IL17RD: variants seen among roughly 807,000 people sequenced by gnomAD.
The protein encoded by IL17RD is interleukin-17 receptor D.
IL17RD carries 52 observed loss-of-function variants against 80.5 expected under a neutral mutation model. The observed-to-expected ratio is 0.65, with a 90% CI of 0.52 to 0.81. IL17RD has a LOEUF of 0.81. IL17RD is among the 40% of genes least tolerant of loss of function. The probability of loss-of-function intolerance (pLI) is 0.00; values close to 1 mark genes in which losing one functional copy is unlikely to be tolerated. For missense variants in IL17RD, 1,024 were observed against 955.1 expected, an observed-to-expected ratio of 1.07 and a Z score of -0.95; for synonymous variants, 416 against 391.8, an observed-to-expected ratio of 1.06 and a Z score of -0.73.
chr3:57,116,552 T>C (rs1707221203), intron 2 of IL17RD, among the ~76,000 whole-genome samples: 2 of 152,140 alleles, frequency 1.3e-5, no homozygotes, highest in African/African-American at 4.8e-5. Context: ...CCCAAGGTGC[T>C]GAGATTAGAG....
At chr3:57,118,012 A>G (rs1707253387) in intron 2 of IL17RD, among the ~76,000 whole-genome samples, 1 of 152,238 alleles carries the variant, frequency 6.6e-6, no homozygotes, top group South Asian at 2.1e-4. Context: ...AAAGTTTTAC[A>G]CGGAGAGATC....
At chr3:57,146,234 TTTTAAATTCTTAC>T (rs1387897495) in intron 1 of IL17RD, among the ~76,000 whole-genome samples, 1 of 152,204 alleles carries the variant, frequency 6.6e-6, no homozygotes, top group Admixed American at 6.5e-5. Flanking sequence ...TCAATAATTA[TTTTAAATTCTTAC>T]TTTAAATTCT....
Position 57,093,963 on chromosome 3 carries a change from G to A in IL17RD, c.*2430C>T, listed in dbSNP as rs2035653. 0.85 allele frequency: 129,292 copies of A among 152,154 alleles called. 55,555 individuals are homozygous for A. Among genetic ancestry groups the A allele is most frequent in the South Asian group, 0.95 (4,576 of 4,826 alleles). The allele number at this position is 152,154 out of a possible 1,614,324, so 9.4% of individuals were successfully genotyped here. Reference sequence around the variant, plus strand: ...ATCCCTGGTCTCTTTTCTAGAGGACGTTGTCTAACCTATCTACACAAGCCT... The same window carrying A: ...ATCCCTGGTCTCTTTTCTAGAGGACATTGTCTAACCTATCTACACAAGCCT... On this transcript the variant is annotated 3_prime_UTR_variant, in exon 13 of 13. Transcript: ENST00000296318.
At chr3:57,131,951 G>A (rs1168933366) in intron 1 of IL17RD, among the ~76,000 whole-genome samples, 3 of 151,874 alleles carry the variant, frequency 2.0e-5, no homozygotes, top group Admixed American at 6.6e-5. Flanking sequence ...TTTGGGAGGC[G>A]GAGGCCAGCG....
intron 1 of IL17RD, among the ~76,000 whole-genome samples, chr3:57,137,189 T>C (rs1189809510): frequency 6.6e-6 from 1 of 152,180 alleles, no homozygotes; most frequent in Admixed American, 6.5e-5. Context: ...TTCCTGGTCA[T>C]CCAGAATAAA....
chr3:57,114,393 C>T (rs767486501), intron 3 of IL17RD, among the ~76,000 whole-genome samples: 2 of 152,160 alleles, frequency 1.3e-5, no homozygotes, highest in East Asian at 3.9e-4. Context: ...GCCCTCCCAC[C>T]GCTGACTAGG....
At chr3:57,164,718 G>T (rs1012375738) in intron 1 of IL17RD, among the ~76,000 whole-genome samples, 1 of 152,170 alleles carries the variant, frequency 6.6e-6, no homozygotes, top group African/African-American at 2.4e-5. Flanking sequence ...CCGGGCCTTA[G>T]CAGGGTTGTG....
In IL17RD at chr3:57,101,303, AGT is replaced by A; in HGVS notation, c.1038_1039del (p.Leu347ProfsTer18). ...CCGCGGCCGGAGCCTCTCTCTTGGG[AGT>A]GCTGCAGTGTATGTGGAAGACTCAG... On this transcript the variant is annotated frameshift_variant, in exon 11 of 13. Transcript: ENST00000296318. LOFTEE classifies it high-confidence loss of function. 1.2e-6 allele frequency: 2 copies of A among 1,612,912 alleles called. No individual in the cohort carries two copies.
intron 1 of IL17RD, among the ~76,000 whole-genome samples, chr3:57,148,184 G>C (rs1040446233): frequency 2.0e-5 from 3 of 150,158 alleles, no homozygotes; most frequent in African/African-American, 2.5e-5. Flanking sequence ...AATTAGCCAG[G>C]TGTGGTGGCG....
intron 1 of IL17RD, 106 bp downstream of exon 1, chr3:57,165,055 G>A: frequency 7.4e-7 from 1 of 1,360,046 alleles, no homozygotes; most frequent in Non-Finnish European, 9.4e-7. Context: ...CGCGGACCCC[G>A]CGAAGAGCAG....
chr3:57,157,435 G>A (rs555528716), intron 1 of IL17RD, among the ~76,000 whole-genome samples: 9 of 152,148 alleles, frequency 5.9e-5, no homozygotes, highest in Non-Finnish European at 1.2e-4. Flanking sequence ...CACTGTGGAC[G>A]GGGGACTGGT....
chr3:57,102,426 GC>G, intron 10 of IL17RD, 52 bp downstream of exon 10: 1 of 986,596 alleles, frequency 1.0e-6, no homozygotes, highest in Non-Finnish European at 1.5e-6. Context: ...TCTCTTGGCA[GC>G]ACCCCCTGGC....
rs1706712472 is a variant in IL17RD, at chr3:57,097,679, G to A, written c.2024C>T (p.Ser675Phe). The change falls in exon 12 of 13, where the codon TCT becomes TTT. Residue 675 changes from serine (S) to phenylalanine (F), a missense_variant. By Grantham distance (155) the Ser-to-Phe change is radical. Coordinates refer to ENST00000296318, the MANE Select transcript of IL17RD (RefSeq NM_017563.5). ...YDSSVPSSEL[S>F]LPLMEGLSTD... ...CGAGAGTCCTTCCATCAGTGGCAGA[G>A]ACAGCTCGGATGAGGGCACAGACGA... 6.2e-7 allele frequency: 1 copy of A among 1,605,894 alleles called. No homozygotes were observed. Among genetic ancestry groups the A allele is most frequent in the South Asian group, 1.1e-5 (1 of 89,280 alleles).
upstream of IL17RD, among the ~76,000 whole-genome samples, chr3:57,166,552 C>A (rs4282030): frequency 0.74 from 112,152 of 151,880 alleles, 42,688 homozygotes; most frequent in African/African-American, 0.94. Context: ...ACCACCACCA[C>A]CAACAAAAAA....
upstream of IL17RD, among the ~76,000 whole-genome samples, chr3:57,170,074 A>G (rs564940881): frequency 1.3e-5 from 2 of 152,210 alleles, no homozygotes; most frequent in African/African-American, 2.4e-5. Context: ...CTTCCTGTCT[A>G]GGACGCCAAA....
upstream of IL17RD, among the ~76,000 whole-genome samples, chr3:57,165,584 T>C (rs1048650726): frequency 4.0e-5 from 6 of 151,700 alleles, no homozygotes; most frequent in Non-Finnish European, 5.9e-5. Flanking sequence ...AGTAGATCTT[T>C]TTTTAATCCA....
chr3:57,127,341 TATATATAA>T (rs1707505613), intron 1 of IL17RD, among the ~76,000 whole-genome samples: 1 of 100,550 alleles, frequency 9.9e-6, no homozygotes, highest in Non-Finnish European at 1.8e-5. Context: ...TATATAAAAA[TATATATAA>T]ATATATATAA....
chr3:57,127,412 A>ATATTTTTTTTTT (rs1246159104), intron 1 of IL17RD, among the ~76,000 whole-genome samples: 1 of 91,216 alleles, frequency 1.1e-5, no homozygotes, highest in African/African-American at 4.9e-5. Context: ...ATATATATAT[A>ATATTTTTTTTTT]TTTTTTTTTT....
chr3:57,157,067 G>C (rs1324933642), intron 1 of IL17RD, among the ~76,000 whole-genome samples: 1 of 152,210 alleles, frequency 6.6e-6, no homozygotes, highest in Non-Finnish European at 1.5e-5. Context: ...GGGAAAGCTA[G>C]AGAGTGGTAT....
Sources: gnomAD v4.1 joint callset for allele counts (sites outside exome capture counted in the v4.1 genomes callset) on GRCh38, gnomAD v4.1.1 for gene constraint, MANE v1.5 for transcripts, NCBI Gene and HGNC (gene_info 2026-07-23, HGNC 2026-07-21) for gene names.